The following PTPRD variants were observed in gnomAD, a reference collection of about 807,000 sequenced individuals.
The protein encoded by PTPRD is receptor-type tyrosine-protein phosphatase delta.
A neutral mutation model predicts 214.5 loss-of-function variants in PTPRD; 34 were observed. The observed-to-expected ratio is 0.16, with a 90% CI of 0.12 to 0.21. PTPRD has a LOEUF of 0.21. PTPRD is among the 10% of genes least tolerant of loss of function. PTPRD has a pLI of 1.00. For missense variants in PTPRD, 2,545 were observed against 2,398.7 expected, an observed-to-expected ratio of 1.06 and a Z score of -1.27; for synonymous variants, 1,128 against 845.7, an observed-to-expected ratio of 1.33 and a Z score of -5.79.
intron 8 of PTPRD, among the ~76,000 whole-genome samples, chr9:9,530,482 TG>T (rs1162611372): frequency 6.6e-6 from 1 of 152,060 alleles, no homozygotes; most frequent in Non-Finnish European, 1.5e-5. Flanking sequence ...GTAATGACAT[TG>T]AATCAGTAAT....
intron 2 of PTPRD, among the ~76,000 whole-genome samples, chr9:10,358,962 T>C (rs1015207065): frequency 3.3e-5 from 5 of 152,050 alleles, no homozygotes; most frequent in African/African-American, 1.2e-4. Context: ...TACTTTGCCA[T>C]AGAATTCACA....
intron 3 of PTPRD, among the ~76,000 whole-genome samples, chr9:10,220,049 T>C (rs1431659300): frequency 2.0e-5 from 3 of 151,816 alleles, no homozygotes; most frequent in Non-Finnish European, 4.4e-5. Flanking sequence ...GAATAACTGG[T>C]TGGAAAATAA....
At chr9:8,436,401 T>A (rs112859246) in intron 35 of PTPRD, among the ~76,000 whole-genome samples, 191 bp downstream of exon 35, 1 of 152,196 alleles carries the variant, frequency 6.6e-6, no homozygotes, top group Non-Finnish European at 1.5e-5. Context: ...TAAAATTAAC[T>A]TTTTCAAACT....
chr9:10,037,467 A>G (rs1222927946), intron 3 of PTPRD, among the ~76,000 whole-genome samples: 1 of 152,032 alleles, frequency 6.6e-6, no homozygotes, highest in Non-Finnish European at 1.5e-5. Flanking sequence ...TGCCATGAGT[A>G]AAAGCTCCCT....
intron 3 of PTPRD, among the ~76,000 whole-genome samples, chr9:10,331,417 C>A (rs1324174842): frequency 1.3e-5 from 2 of 151,846 alleles, no homozygotes; most frequent in African/African-American, 4.8e-5. Flanking sequence ...TCTGAAAGCC[C>A]AGACACTGTG....
chr9:10,081,455 A>G (rs572331981), intron 3 of PTPRD, among the ~76,000 whole-genome samples: 5 of 152,178 alleles, frequency 3.3e-5, no homozygotes, highest in Admixed American at 3.3e-4. Flanking sequence ...CAATTAGGTC[A>G]TGAAGGTGGA....
intron 6 of PTPRD, among the ~76,000 whole-genome samples, chr9:9,742,753 T>C (rs1239373321): frequency 1.4e-4 from 22 of 152,184 alleles, no homozygotes; most frequent in Non-Finnish European, 4.4e-5. Context: ...GACACACCTG[T>C]TATAAATATC....
chr9:9,569,758 T>C lies in PTPRD; in HGVS notation c.-237+4974A>G, dbSNP rs1315580254. Among the ~76,000 whole-genome samples, 3 of 151,560 alleles carry C rather than the reference T, an allele frequency of 2.0e-5. No homozygotes were observed. In the South Asian group the frequency reaches 6.2e-4, roughly 31 times the overall value. Reference sequence around the variant, plus strand: ...TGACATGTCGGGAACGGGGGAAGGCTAGATATAGTGTGTAAATCATATAGA... The same window carrying C: ...TGACATGTCGGGAACGGGGGAAGGCCAGATATAGTGTGTAAATCATATAGA... On this transcript the variant is annotated intron_variant, in intron 8 of 45. Transcript: ENST00000381196.
At chr9:8,735,164 G>GTTTGTTTTTTTT (rs1565662946) in intron 11 of PTPRD, among the ~76,000 whole-genome samples, 1 of 137,998 alleles carries the variant, frequency 7.2e-6, no homozygotes, top group African/African-American at 2.7e-5. Flanking sequence ...TTTTTTTTTT[G>GTTTGTTTTTTTT]AGACAGTCTC....
chr9:9,445,565 C>G (rs1431250837), intron 8 of PTPRD, among the ~76,000 whole-genome samples: 1 of 152,104 alleles, frequency 6.6e-6, no homozygotes, highest in Non-Finnish European at 1.5e-5. Flanking sequence ...GAAGGGGAAG[C>G]AAACACGTCC....
At chr9:10,467,741 A>G (rs2099004225) in intron 2 of PTPRD, among the ~76,000 whole-genome samples, 1 of 152,234 alleles carries the variant, frequency 6.6e-6, no homozygotes, top group African/African-American at 2.4e-5. Context: ...GAGGGAACAA[A>G]TAAAATATAA....
At chr9:8,706,266 T>G (rs2098206036) in intron 12 of PTPRD, among the ~76,000 whole-genome samples, 1 of 152,166 alleles carries the variant, frequency 6.6e-6, no homozygotes. Context: ...ATAATAGGAT[T>G]TTCAGGGAGG....
chr9:10,301,174 G>C (rs1407579308), intron 3 of PTPRD, among the ~76,000 whole-genome samples: 2 of 152,116 alleles, frequency 1.3e-5, no homozygotes, highest in Non-Finnish European at 2.9e-5. Context: ...CAGCAGAGGG[G>C]GGTGACTGTT....
chr9:8,466,885 T>G (rs1366196275), intron 31 of PTPRD, among the ~76,000 whole-genome samples: 2 of 151,812 alleles, frequency 1.3e-5, no homozygotes, highest in Admixed American at 6.6e-5. Context: ...CTCTACTTAG[T>G]AGAATGAGAG....
intron 14 of PTPRD, among the ~76,000 whole-genome samples, chr9:8,580,681 G>A (rs142126860): frequency 2.1e-3 from 319 of 152,192 alleles, no homozygotes; most frequent in Middle Eastern, 3.4e-3. Flanking sequence ...GTAATTATTG[G>A]AATAGCTAAT....
At chr9:9,913,440 A>T (rs1354654652) in intron 5 of PTPRD, among the ~76,000 whole-genome samples, 1 of 152,208 alleles carries the variant, frequency 6.6e-6, no homozygotes, top group Non-Finnish European at 1.5e-5. Context: ...AAGATGGCTG[A>T]CTACAGATGC....
At chr9:9,937,022 C>T (rs551315756) in intron 5 of PTPRD, among the ~76,000 whole-genome samples, 1 of 151,606 alleles carries the variant, frequency 6.6e-6, no homozygotes, top group African/African-American at 2.4e-5. Flanking sequence ...GGGAATTGAA[C>T]AATGAGATCA....
At chr9:9,572,659 T>TA (rs201731514) in intron 8 of PTPRD, among the ~76,000 whole-genome samples, 2,632 of 148,874 alleles carry the variant, frequency 0.018, 46 homozygotes, top group Admixed American at 0.026. Context: ...CATAACCCGA[T>TA]ATGTATATTA....
chr9:9,953,414 C>G lies in PTPRD; in HGVS notation c.-471-14804G>C, dbSNP rs543522323. ...TCTCAGAATTCAACACTATAGAATTCAACCATGTAATCAAAAACTACTTAT... is the reference window on the plus strand; with the variant it reads ...TCTCAGAATTCAACACTATAGAATTGAACCATGTAATCAAAAACTACTTAT... On this transcript the variant is annotated intron_variant, in intron 4 of 45. Transcript: ENST00000381196. 6.6e-5 allele frequency among the ~76,000 whole-genome samples: 10 copies of G among 151,844 alleles called. No individual in the cohort carries two copies. The South Asian group carries it at 2.1e-3, about 32-fold the overall frequency.
Sources: gnomAD v4.1 joint callset for allele counts (sites outside exome capture counted in the v4.1 genomes callset) on GRCh38, gnomAD v4.1.1 for gene constraint, MANE v1.5 for transcripts, NCBI Gene and HGNC (gene_info 2026-07-23, HGNC 2026-07-21) for gene names.